Variants in TSPAN4 observed in about 807,000 individuals in gnomAD.
TSPAN4 encodes the protein tetraspanin 4.
TSPAN4 carries 38 observed loss-of-function variants against 31.5 expected under a neutral mutation model. The observed-to-expected ratio is 1.21, with a 90% CI of 0.93 to 1.58. The LOEUF is 1.58. Among genes scored for constraint, TSPAN4 ranks in the 40% most tolerant of loss-of-function variants. The pLI is 0.00. For synonymous variants in TSPAN4, 186 were observed against 144.6 expected (o/e 1.29, Z -2.06); for missense variants, 330 against 317.3 (o/e 1.04, Z -0.30).
chr11:864,733 C>T (rs1258066577), intron 5 of TSPAN4: 2 of 612,698 alleles, frequency 3.3e-6, no homozygotes, highest in East Asian at 2.8e-5. Flanking sequence ...GCACTGCTAC[C>T]CCACCCGGAG....
intron 4 of TSPAN4, chr11:863,201 C>T (rs1052020197): frequency 1.3e-5 from 2 of 157,818 alleles, no homozygotes; most frequent in Non-Finnish European, 2.8e-5. Context: ...GCCCCCACCT[C>T]GCCTCGGGGA....
rs1187123801 is a variant in TSPAN4 at position 848,550 on chromosome 11, C to G, written c.-18+1250C>G. On this transcript the variant is annotated intron_variant, in intron 2 of 8. Transcript: ENST00000397397. The surrounding 1 kb of genome is among the most constrained non-coding windows in gnomAD (Gnocchi z 5.7). ...AGAGCTGCGGGACCTCCCTGGGCACCCGGGGCTTCCACGGCAGCCCTCCCC... is the reference window on the plus strand; with the variant it reads ...AGAGCTGCGGGACCTCCCTGGGCACGCGGGGCTTCCACGGCAGCCCTCCCC... 6.6e-6 allele frequency among the ~76,000 whole-genome samples: 1 copy of G among 152,154 alleles called. No individual in the cohort carries two copies. The highest frequency in any genetic ancestry group is 1.5e-5 in the Non-Finnish European group (1 of 68,000).
intron 3 of TSPAN4, among the ~76,000 whole-genome samples, chr11:860,374 C>T (rs909243432): frequency 6.6e-6 from 1 of 152,248 alleles, no homozygotes; most frequent in African/African-American, 2.4e-5. Flanking sequence ...CCAGCACAGC[C>T]TCCTGCCTGC....
At chr11:850,074 T>G in intron 2 of TSPAN4, 2 of 394,152 alleles carry the variant, frequency 5.1e-6, no homozygotes, top group East Asian at 8.8e-5. Context: ...GCGCAGCCCC[T>G]CTCCGGAGGG....
chr11:847,485 G>A (rs1847381917), intron 2 of TSPAN4, among the ~76,000 whole-genome samples, 185 bp downstream of exon 2: 1 of 152,110 alleles, frequency 6.6e-6, no homozygotes, highest in African/African-American at 2.4e-5. Context: ...ACCCCGACTG[G>A]GGTGTTGAAG....
chr11:851,056 C>T (rs1371047442), intron 3 of TSPAN4, among the ~76,000 whole-genome samples: 1 of 152,212 alleles, frequency 6.6e-6, no homozygotes, highest in East Asian at 1.9e-4. Context: ...TCCGGGGGGG[C>T]CCTGTGTGCT....
chr11:861,338 G>T (rs1255229194), intron 3 of TSPAN4, among the ~76,000 whole-genome samples: 2 of 152,198 alleles, frequency 1.3e-5, no homozygotes, highest in Non-Finnish European at 2.9e-5. Context: ...AACTTGGCCG[G>T]GCGCGGTGGC....
intron 2 of TSPAN4, among the ~76,000 whole-genome samples, chr11:847,626 C>T (rs999879742): frequency 1.3e-5 from 2 of 151,566 alleles, no homozygotes; most frequent in Non-Finnish European, 1.5e-5. Flanking sequence ...CCCCCAACCC[C>T]GCTCCTCCTG....
chr11:853,312 C>T (rs1047429751), intron 3 of TSPAN4, among the ~76,000 whole-genome samples: 1 of 152,166 alleles, frequency 6.6e-6, no homozygotes, highest in Non-Finnish European at 1.5e-5. Flanking sequence ...AAATGCAGAC[C>T]CTCCAAGGCC....
In TSPAN4 at chr11:864,528, C is replaced by T. The variant is rs147315951; in HGVS notation, c.330+17C>T. 558 of 1,611,074 alleles carry T rather than the reference C, an allele frequency of 3.5e-4. No individual in the cohort carries two copies. Among genetic ancestry groups the T allele is most frequent in the Middle Eastern group, 6.6e-4 (4 of 6,062 alleles). The stretch of plus-strand genomic sequence containing the variant: ...ACGGACAAGGTACGGCTGCCTTGGC[C>T]GCAGGCCCAACTGCAGGGCTGGGGG... On this transcript the variant is annotated intron_variant, in intron 5 of 8. Transcript: ENST00000397397.
intron 3 of TSPAN4, among the ~76,000 whole-genome samples, chr11:851,638 G>C (rs1220506921): frequency 6.6e-6 from 1 of 152,046 alleles, no homozygotes; most frequent in Non-Finnish European, 1.5e-5. Flanking sequence ...TCTGCAAGAG[G>C]CTCTGGAGGG....
At chr11:859,044 G>A (rs1339602861) in intron 3 of TSPAN4, among the ~76,000 whole-genome samples, 5 of 70,696 alleles carry the variant, frequency 7.1e-5, no homozygotes, top group African/African-American at 2.4e-4. Context: ...ACGCACCCCC[G>A]GGCTCACACC....
At chr11:851,817 C>CGGCAGGCAGGCA (rs761306313) in intron 3 of TSPAN4, among the ~76,000 whole-genome samples, 2 of 151,710 alleles carry the variant, frequency 1.3e-5, no homozygotes, top group Non-Finnish European at 2.9e-5. Context: ...TGTGGGGGCC[C>CGGCAGGCAGGCA]GGCAGGCAGG....
intron 1 of TSPAN4, among the ~76,000 whole-genome samples, chr11:846,099 T>TG (rs1847309206): frequency 6.6e-6 from 1 of 151,986 alleles, no homozygotes; most frequent in African/African-American, 2.4e-5. Context: ...CCCGTGGGCC[T>TG]GGGGGGCCAG....
At chr11:856,908 G>A (rs1455918834) in intron 3 of TSPAN4, 3 of 152,242 alleles carry the variant, frequency 2.0e-5, no homozygotes, top group Non-Finnish European at 4.4e-5. Context: ...TATTAACCAC[G>A]TGCACGCATT....
At chr11:849,483 C>T (rs1011835262) in intron 2 of TSPAN4, among the ~76,000 whole-genome samples, 1 of 152,116 alleles carries the variant, frequency 6.6e-6, no homozygotes, top group South Asian at 2.1e-4. Context: ...CGGCCCGGGG[C>T]CAGAGTCCGG....
chr11:866,222 G>A (rs1236832119), intron 8 of TSPAN4, among the ~76,000 whole-genome samples: 7 of 150,828 alleles, frequency 4.6e-5, no homozygotes, highest in South Asian at 4.2e-4. Flanking sequence ...GGTGGAGGCC[G>A]GTGGTCGTCC....
chr11:850,955 G>C (rs1242770098), intron 3 of TSPAN4, among the ~76,000 whole-genome samples: 2 of 152,364 alleles, frequency 1.3e-5, no homozygotes, highest in African/African-American at 4.8e-5. Flanking sequence ...CAGTGTTCGC[G>C]GGAGACACTG....
At position 866,689 on chromosome 11, in the gene TSPAN4, C is replaced by T. The variant is rs1041575617; in HGVS notation, c.*59C>T. 5.3e-6 allele frequency: 8 copies of T among 1,507,014 alleles called. No individual in the cohort carries two copies. The African/African-American group carries it at 8.3e-5, about 16-fold the overall frequency. The allele number at this position is 1,507,014 out of a possible 1,614,324, so 93.4% of individuals were successfully genotyped here. On this transcript the variant is annotated 3_prime_UTR_variant, in exon 9 of 9. Transcript: ENST00000397397. ...GCCCACGGGGAGATGGCCGCACCCA[C>T]AGCTGCCTTTCCCACCACCAGCCTC...
Sources: gnomAD v4.1 joint callset for allele counts (sites outside exome capture counted in the v4.1 genomes callset) on GRCh38, gnomAD v4.1.1 for gene constraint, Gnocchi (gnomAD v3.1) non-coding constraint, MANE v1.5 for transcripts, NCBI Gene and HGNC (gene_info 2026-07-23, HGNC 2026-07-21) for gene names.